Variants in CKLF observed in about 807,000 individuals in gnomAD.
CKLF encodes chemokine like factor.
Under a neutral mutation model 12.9 loss-of-function variants are expected in CKLF, and 16 were observed. The ratio of observed to expected loss-of-function variants is 1.24; its 90% CI spans 0.84 to 1.88. CKLF has a LOEUF of 1.88. CKLF is among the 40% of genes most tolerant of loss of function. CKLF has a pLI of 0.00. For missense variants in CKLF, 172 were observed against 188.5 expected (o/e 0.91, Z 0.51); for synonymous variants, 61 against 69.0 (o/e 0.88, Z 0.57).
rs758612470 is a variant in CKLF, at chr16:66,558,171, G to T, written c.79-19G>T. The T allele has an allele frequency of 1.9e-6, 3 of 1,602,854 alleles. No individual in the cohort carries two copies. In the Admixed American group the frequency reaches 5.3e-5, roughly 28 times the overall value. The stretch of plus-strand genomic sequence containing the variant: ...GTATTCAGTTGTCACTGAATAAATC[G>T]TGGGTTTTTTTCTTCTAGGCACTAA... On this transcript the variant is annotated intron_variant, in intron 1 of 3. Transcript: ENST00000264001.
At chr16:66,557,445 G>C (rs2011492722) in intron 1 of CKLF, among the ~76,000 whole-genome samples, 1 of 152,204 alleles carries the variant, frequency 6.6e-6, no homozygotes, top group South Asian at 2.1e-4. Flanking sequence ...TGGGATTACA[G>C]GCATGAGCCA....
chr16:66,564,637 A>T (rs998670042), intron 3 of CKLF, among the ~76,000 whole-genome samples: 1 of 151,808 alleles, frequency 6.6e-6, no homozygotes, highest in African/African-American at 2.4e-5. Flanking sequence ...TGCCTGGCTA[A>T]TTTTTTGTAT....
intron 1 of CKLF, among the ~76,000 whole-genome samples, chr16:66,556,777 T>A (rs531800460): frequency 6.2e-4 from 95 of 152,360 alleles, no homozygotes; most frequent in African/African-American, 2.2e-3. Flanking sequence ...AAGGCATATT[T>A]ATGCTAATAA....
Position 66,552,639 on chromosome 16 carries a change from A to G in CKLF, c.-77A>G, listed in dbSNP as rs1028539688. 3.1e-6 allele frequency: 5 copies of G among 1,606,924 alleles called. No individual in the cohort carries two copies. The highest frequency in any genetic ancestry group is 4.3e-6 in the Non-Finnish European group (5 of 1,174,560). ...GTGCTCCGCCGCGGTGGCGGTTGCT[A>G]TCGCTTCGCAGAACCTACTCAGGCA... On this transcript the variant is annotated 5_prime_UTR_variant, in exon 1 of 4. Transcript: ENST00000264001.
rs58084691 is a variant in CKLF, at chr16:66,560,798, T to TACACACACAC, written c.238-2293_238-2284dup. The stretch of plus-strand genomic sequence containing the variant: ...ACACATTTAAACAGAAAGATAAGTA[T>TACACACACAC]ACACACACACACACACACACACACA... On this transcript the variant is annotated intron_variant, in intron 2 of 3. Coordinates refer to ENST00000264001, the MANE Select transcript of CKLF (RefSeq NM_016951.4). Among the ~76,000 whole-genome samples, 492 of 143,744 alleles carry TACACACACAC rather than the reference T, an allele frequency of 3.4e-3. 1 individual carries two copies. The highest frequency in any genetic ancestry group is 0.011 in the African/African-American group (444 of 39,058). 94.3% of individuals were successfully genotyped at this position (143,744 alleles called of 152,430 possible).
At chr16:66,563,030 T>G (rs774419504) in intron 2 of CKLF, 92 bp from the exon 3 acceptor site, 12 of 1,477,586 alleles carry the variant, frequency 8.1e-6, no homozygotes, top group East Asian at 4.7e-5. Context: ...GACTTTGTTT[T>G]TTGTTGTTGT....
intron 2 of CKLF, 79 bp from the exon 3 acceptor site, chr16:66,563,043 T>TTTTTTTG (rs1476755333): frequency 1.4e-5 from 22 of 1,551,214 alleles, no homozygotes; most frequent in Non-Finnish European, 1.9e-5. Flanking sequence ...GTTGTTGTTG[T>TTTTTTTG]TTTTTTGTTT....
chr16:66,552,901 G>A (rs1225992233), intron 1 of CKLF, 108 bp downstream of exon 1: 2 of 1,520,240 alleles, frequency 1.3e-6, no homozygotes, highest in East Asian at 2.3e-5. Flanking sequence ...ACCTCGCTTT[G>A]ATCAAGATTG....
chr16:66,556,282 A>C (rs2011450710), intron 1 of CKLF, among the ~76,000 whole-genome samples: 1 of 152,210 alleles, frequency 6.6e-6, no homozygotes, highest in Non-Finnish European at 1.5e-5. Context: ...AAGGAATGAA[A>C]AATGTTCATT....
chr16:66,558,144 T>C, intron 1 of CKLF, 46 bp from the exon 2 acceptor site: 1 of 1,591,440 alleles, frequency 6.3e-7, no homozygotes, highest in Non-Finnish European at 8.5e-7. Context: ...CAGTTTAAAT[T>C]TGTATTCAGT....
At chr16:66,556,005 T>G (rs904309334) in intron 1 of CKLF, among the ~76,000 whole-genome samples, 1 of 152,132 alleles carries the variant, frequency 6.6e-6, no homozygotes, top group Non-Finnish European at 1.5e-5. Context: ...ACATGGTGAA[T>G]TGAGATTCCT....
chr16:66,566,200 C>T, downstream of CKLF: 2 of 1,518,220 alleles, frequency 1.3e-6, no homozygotes, highest in Non-Finnish European at 1.8e-6. The surrounding 1 kb of genome is among the most constrained non-coding windows in gnomAD (Gnocchi z 4.9). Flanking sequence ...TTTTCCGGCA[C>T]CCGGGCCTGG....
intron 3 of CKLF, 96 bp from the exon 4 acceptor site, chr16:66,565,790 C>G: frequency 8.9e-7 from 1 of 1,124,480 alleles, no homozygotes; most frequent in Non-Finnish European, 1.3e-6. Flanking sequence ...AGTACCCTAG[C>G]AAGAGAGGAA....
At position 66,558,194 on chromosome 16, in the gene CKLF, T is replaced by C; in HGVS notation, c.83T>C (p.Leu28Pro). Residue 28 changes from leucine (L) to proline (P), a missense_variant, in exon 2 of 4, where the codon CTA becomes CCA. By Grantham distance (98) the Leu-to-Pro change is moderately conservative. Transcript: ENST00000264001. ...TCGTGGGTTTTTTTCTTCTAGGCACTAACTGTGACATCTATGACCTTTTTT... is the reference window on the plus strand; with the variant it reads ...TCGTGGGTTTTTTTCTTCTAGGCACCAACTGTGACATCTATGACCTTTTTT... ...KGHVKMLRLA[L>P]TVTSMTFFII... The C allele has an allele frequency of 6.2e-7, 1 of 1,610,814 alleles. No homozygotes were observed. Among genetic ancestry groups the C allele is most frequent in the South Asian group, 1.1e-5 (1 of 89,808 alleles).
At chr16:66,563,333 C>CT in intron 3 of CKLF, 116 bp downstream of exon 3, 1 of 1,178,314 alleles carries the variant, frequency 8.5e-7, no homozygotes, top group South Asian at 1.5e-5. Context: ...ATTCCTAGGC[C>CT]AATATACAAT....
intron 1 of CKLF, among the ~76,000 whole-genome samples, chr16:66,553,181 A>C (rs540047716): frequency 3.3e-5 from 5 of 151,566 alleles, no homozygotes; most frequent in Non-Finnish European, 7.4e-5. Flanking sequence ...ACAAAAAAAA[A>C]CCCTTTTTTT....
At chr16:66,559,731 G>T (rs1418885708) in intron 2 of CKLF, among the ~76,000 whole-genome samples, 1 of 152,134 alleles carries the variant, frequency 6.6e-6, no homozygotes, top group Non-Finnish European at 1.5e-5. Flanking sequence ...CTTATATGTA[G>T]CACACTGAAA....
At chr16:66,563,817 T>C (rs1334505313) in intron 3 of CKLF, among the ~76,000 whole-genome samples, 1 of 152,254 alleles carries the variant, frequency 6.6e-6, no homozygotes, top group African/African-American at 2.4e-5. Flanking sequence ...AGTAATTTAG[T>C]TATAGTTCTA....
In CKLF at chr16:66,552,597, A is replaced by C. The variant is rs1429834856; in HGVS notation, c.-119A>C. 4.1e-5 allele frequency: 61 copies of C among 1,502,224 alleles called. No homozygotes were observed. The highest frequency in any genetic ancestry group is 3.8e-4 in the Middle Eastern group (2 of 5,288). The allele number at this position is 1,502,224 out of a possible 1,614,324, so 93.1% of individuals were successfully genotyped here. A position where few individuals can be genotyped will look rare whatever the true frequency, so the allele number is the denominator to read the frequency against. ...AGAGAGCGGGAAGCCGAGCTGGGCG[A>C]GAAGTAGGGGAGGGCGGTGCTCCGC... On this transcript the variant is annotated 5_prime_UTR_variant, in exon 1 of 4. Transcript: ENST00000264001.
Sources: allele counts gnomAD v4.1 joint callset (sites outside exome capture counted in the v4.1 genomes callset), GRCh38; gene constraint gnomAD v4.1.1; non-coding constraint Gnocchi (gnomAD v3.1); transcripts MANE v1.5; gene names NCBI Gene and HGNC (gene_info 2026-07-23, HGNC 2026-07-21).